The following ABCG1 variants were observed in gnomAD, a reference collection of about 807,000 sequenced individuals.
ABCG1 encodes the protein ATP binding cassette subfamily G member 1, also known as ATP-binding cassette sub-family G member 1.
ABCG1 carries 29 observed loss-of-function variants against 69.2 expected under a neutral mutation model. The ratio of observed to expected loss-of-function variants is 0.42; its 90% confidence interval spans 0.31 to 0.57. ABCG1 has a LOEUF of 0.57. Ranked by LOEUF, ABCG1 falls within the 20% of genes least tolerant of loss-of-function variation. The pLI, the probability that ABCG1 is intolerant of heterozygous loss-of-function variation, is 0.15. For missense variants in ABCG1, 718 were observed against 898.1 expected (o/e 0.80, Z 2.56); for synonymous variants, 370 against 374.8 (o/e 0.99, Z 0.15).
chr21:42,247,306 A>G (rs756378281), intron 2 of ABCG1, among the ~76,000 whole-genome samples: 1 of 152,216 alleles, frequency 6.6e-6, no homozygotes, highest in Admixed American at 6.5e-5. Flanking sequence ...TAGGGACACA[A>G]GGAGCTCTCA....
intron 5 of ABCG1, among the ~76,000 whole-genome samples, chr21:42,281,272 C>A (rs2068803166): frequency 6.6e-6 from 1 of 152,182 alleles, no homozygotes; most frequent in African/African-American, 2.4e-5. Context: ...CACCACAGGG[C>A]TGCCCTGGCA....
intron 4 of ABCG1, among the ~76,000 whole-genome samples, chr21:42,274,970 A>G (rs1347920050): frequency 6.6e-6 from 1 of 152,156 alleles, no homozygotes; most frequent in Non-Finnish European, 1.5e-5. Context: ...CTGCAAAAGA[A>G]GAGTCCCCAG....
chr21:42,242,923 G>GT (rs1271292339), intron 2 of ABCG1, among the ~76,000 whole-genome samples: 3 of 152,180 alleles, frequency 2.0e-5, no homozygotes, highest in Non-Finnish European at 4.4e-5. Flanking sequence ...GCAGGGTTCC[G>GT]TGTCTGATAA....
chr21:42,261,301 G>T (rs2068408614), intron 2 of ABCG1, among the ~76,000 whole-genome samples: 1 of 152,186 alleles, frequency 6.6e-6, no homozygotes, highest in African/African-American at 2.4e-5. Flanking sequence ...CAGATACCCT[G>T]CTGTGCTCAG....
intron 14 of ABCG1, 34 bp downstream of exon 14, chr21:42,294,694 C>G: frequency 1.9e-6 from 3 of 1,585,962 alleles, no homozygotes; most frequent in Admixed American, 1.7e-5. Context: ...GCGTGGGGAC[C>G]GAGGGTGACG....
chr21:42,241,977 C>CAAAAAAAAAAAAAA (rs35823612), intron 2 of ABCG1, among the ~76,000 whole-genome samples: 1 of 94,256 alleles, frequency 1.1e-5, no homozygotes, highest in Admixed American at 1.2e-4. Context: ...GACCCTGTCT[C>CAAAAAAAAAAAAAA]AAAAAAAAAA....
intron 2 of ABCG1, among the ~76,000 whole-genome samples, chr21:42,261,819 C>T (rs972747225): frequency 6.6e-6 from 1 of 152,222 alleles, no homozygotes. Flanking sequence ...GAGGTCAGAA[C>T]GCTGAGCTAT....
chr21:42,227,291 C>A (rs1261956308), intron 2 of ABCG1, among the ~76,000 whole-genome samples: 2 of 152,166 alleles, frequency 1.3e-5, no homozygotes, highest in African/African-American at 4.8e-5. Context: ...CTCCTTTGAT[C>A]ATGTTGAAAT....
intron 2 of ABCG1, among the ~76,000 whole-genome samples, chr21:42,259,081 C>A (rs2068359592): frequency 1.3e-5 from 2 of 152,218 alleles, no homozygotes; most frequent in Admixed American, 1.3e-4. Context: ...TTCTCATACC[C>A]TGTTTTCCCC....
intron 2 of ABCG1, chr21:42,256,643 G>T: frequency 6.8e-7 from 1 of 1,476,306 alleles, no homozygotes. Flanking sequence ...CTGGGGACAG[G>T]GTTCCCACCA....
Position 42,219,410 on chromosome 21 carries a change from G to T in ABCG1, c.42+106G>T. The T allele has an allele frequency of 6.9e-7, 1 of 1,454,098 alleles. No homozygotes were observed. The highest frequency in any genetic ancestry group is 9.2e-7 in the Non-Finnish European group (1 of 1,092,332). The allele number at this position is 1,454,098 out of a possible 1,614,324, so 90.1% of individuals were successfully genotyped here. ...GACCTGACACCCCTCCCAGGAGCGC[G>T]TCCTCTGGGCGCTGACCCAGGGCAC... On this transcript the variant is annotated intron_variant, in intron 1 of 14. Transcript: ENST00000398449. This position sits in a 1 kb window ranked among gnomAD's most constrained non-coding sequence, Gnocchi z 5.3.
intron 2 of ABCG1, 133 bp downstream of exon 2, chr21:42,226,047 C>G (rs1601354082): frequency 1.0e-5 from 11 of 1,053,774 alleles, no homozygotes; most frequent in Non-Finnish European, 1.5e-5. Context: ...CTGCTGTGGT[C>G]AATTTATTCT....
At position 42,287,770 on chromosome 21, in the gene ABCG1, C is replaced by T. The variant is rs2068970797; in HGVS notation, c.974-119C>T. ...TTTTGACGTCATGCCATTAGCACCG[C>T]CACGCAGCATCTATGTAATCGCTTT... is the stretch of plus-strand genomic sequence containing the variant. On this transcript the variant is annotated intron_variant, in intron 8 of 14. Coordinates refer to ENST00000398449, the MANE Select transcript of ABCG1 (RefSeq NM_016818.3). This position sits in a 1 kb window ranked among gnomAD's most constrained non-coding sequence, Gnocchi z 6.2. 2.8e-6 allele frequency: 3 copies of T among 1,057,152 alleles called. No homozygotes were observed. The highest frequency in any genetic ancestry group is 1.8e-5 in the South Asian group (1 of 56,214). 65.5% of individuals were successfully genotyped at this position (1,057,152 alleles called of 1,614,324 possible). A position where few individuals can be genotyped will look rare whatever the true frequency, so the allele number is the denominator to read the frequency against.
At chr21:42,259,494 C>T (rs1292240572) in intron 2 of ABCG1, 42 of 1,547,538 alleles carry the variant, frequency 2.7e-5, no homozygotes, top group Middle Eastern at 2.2e-4. Context: ...CCCATCCAAC[C>T]GTCCACTCAA....
At chr21:42,242,199 CT>C (rs2068061885) in intron 2 of ABCG1, among the ~76,000 whole-genome samples, 1 of 152,142 alleles carries the variant, frequency 6.6e-6, no homozygotes, top group African/African-American at 2.4e-5. Flanking sequence ...GAAATATTGG[CT>C]TTTTAAAAAG....
chr21:42,294,210 C>G (rs765321244), intron 13 of ABCG1, among the ~76,000 whole-genome samples: 1 of 152,218 alleles, frequency 6.6e-6, no homozygotes, highest in Admixed American at 6.5e-5. Flanking sequence ...ACTTAGCCCC[C>G]CCGGGGACAG....
intron 2 of ABCG1, chr21:42,259,877 G>A: frequency 1.4e-6 from 2 of 1,441,690 alleles, no homozygotes; most frequent in Non-Finnish European, 1.8e-6. Context: ...AATGGCAAAG[G>A]AGCACAGCGG....
At chr21:42,261,792 C>T (rs959526546) in intron 2 of ABCG1, among the ~76,000 whole-genome samples, 1 of 152,192 alleles carries the variant, frequency 6.6e-6, no homozygotes, top group Non-Finnish European at 1.5e-5. Context: ...ATGTTTATGG[C>T]GTACTTAACT....
chr21:42,284,753 C>T, intron 7 of ABCG1, 70 bp downstream of exon 7: 1 of 1,559,888 alleles, frequency 6.4e-7, no homozygotes, highest in Non-Finnish European at 8.6e-7. Flanking sequence ...ACACCAAACC[C>T]TGGGTACCCA....
Sources: allele counts gnomAD v4.1 joint callset (sites outside exome capture counted in the v4.1 genomes callset), GRCh38; gene constraint gnomAD v4.1.1; non-coding constraint Gnocchi (gnomAD v3.1); transcripts MANE v1.5; gene names NCBI Gene and HGNC (gene_info 2026-07-23, HGNC 2026-07-21).